SOX5: variants seen among roughly 807,000 people sequenced by gnomAD.
The protein encoded by SOX5 is SRY-box transcription factor 5.
Under a neutral mutation model 92.0 loss-of-function variants are expected in SOX5, and 9 were observed. That is an observed-to-expected ratio of 0.10 (90% CI 0.06 to 0.17). The LOEUF (loss-of-function observed/expected upper bound fraction) is 0.17. Ranked by LOEUF, SOX5 falls within the 10% of genes least tolerant of loss-of-function variation. SOX5 has a pLI of 1.00. For synonymous variants in SOX5, 344 were observed against 336.3 expected (o/e 1.02, Z -0.25); for missense variants, 642 against 944.5 (o/e 0.68, Z 4.20).
Position 23,718,063 on chromosome 12 carries a change from A to G in SOX5, c.810+16621T>C, listed in dbSNP as rs560158423. Among the ~76,000 whole-genome samples the G allele has an allele frequency of 3.4e-5, 5 of 149,242 alleles. No individual in the cohort carries two copies. The Admixed American group carries it at 3.4e-4, about 10-fold the overall frequency. On this transcript the variant is annotated intron_variant, in intron 6 of 14. Transcript: ENST00000451604. ...ATTTTAAAATTAAAGACATACTCCA[A>G]GTTCATGATAATTTTTAAAAACCTT...
intron 4 of SOX5, among the ~76,000 whole-genome samples, chr12:24,096,566 T>G (rs550008737): frequency 6.6e-6 from 1 of 152,338 alleles, no homozygotes; most frequent in Non-Finnish European, 1.5e-5. Flanking sequence ...TGTACTTTTA[T>G]GATTGGTTTA....
chr12:23,975,780 A>G (rs1390374021), intron 4 of SOX5, among the ~76,000 whole-genome samples: 1 of 152,222 alleles, frequency 6.6e-6, no homozygotes. Flanking sequence ...CTTGAACATA[A>G]TATGCACTAT....
chr12:23,641,012 A>G, intron 7 of SOX5, 115 bp from the exon 8 acceptor site: 1 of 662,736 alleles, frequency 1.5e-6, no homozygotes, highest in East Asian at 2.7e-5. Context: ...GCTGAGGCCT[A>G]ATGAAAAGCT....
At chr12:23,600,204 C>T (rs1555190539) in intron 9 of SOX5, among the ~76,000 whole-genome samples, 1 of 152,036 alleles carries the variant, frequency 6.6e-6, no homozygotes, top group South Asian at 2.1e-4. Context: ...ACAGGATCTC[C>T]TGTCATAAAA....
At chr12:23,997,370 C>T (rs920083567) in intron 4 of SOX5, among the ~76,000 whole-genome samples, 2 of 152,138 alleles carry the variant, frequency 1.3e-5, no homozygotes, top group African/African-American at 4.8e-5. Context: ...CAATAGCGAT[C>T]TTGGATGGCC....
rs577893089 is a variant in SOX5, at chr12:24,301,766, G to T, written c.-173-24454C>A. Among the ~76,000 whole-genome samples the T allele has an allele frequency of 1.4e-4, 21 of 152,246 alleles. No homozygotes were observed. In the East Asian group the frequency reaches 4.1e-3, roughly 29 times the overall value. On this transcript the variant is annotated intron_variant, in intron 2 of 4. Transcript: ENST00000446891. ...TCCTGGGTGGAGGATGAAGAAAAAT[G>T]CATTTTCCTACCCCTGGCTGCAGGA...
chr12:23,558,791 C>T (rs575842979), intron 11 of SOX5, among the ~76,000 whole-genome samples: 4 of 152,182 alleles, frequency 2.6e-5, no homozygotes, highest in African/African-American at 7.2e-5. Flanking sequence ...TTAGTAGAGA[C>T]GGGGTTTCTC....
chr12:24,147,717 CAGAATGT>C (rs1951223818), intron 4 of SOX5, among the ~76,000 whole-genome samples: 1 of 152,196 alleles, frequency 6.6e-6, no homozygotes, highest in South Asian at 2.1e-4. Context: ...TAGAGGGCTG[CAGAATGT>C]AAGATCAATA....
In SOX5 at chr12:23,976,411, A is replaced by C. The variant is rs1270437814; in HGVS notation, c.-1-80387T>G. Among the ~76,000 whole-genome samples the C allele has an allele frequency of 3.3e-4, 50 of 149,484 alleles. 1 individual carries two copies. Among genetic ancestry groups the C allele is most frequent in the Admixed American group, 2.9e-3 (43 of 15,014 alleles). On this transcript the variant is annotated intron_variant, in intron 4 of 4. Coordinates refer to the SOX5 transcript ENST00000446891. ...CTATTAAAAAAACAAAAAAACAAAA[A>C]AAAAAAAAAAAAAGAAGAGAAGGAA...
At chr12:24,291,968 C>T (rs1304155110) in intron 2 of SOX5, among the ~76,000 whole-genome samples, 2 of 152,196 alleles carry the variant, frequency 1.3e-5, no homozygotes, top group East Asian at 3.8e-4. Context: ...GTAACAATAA[C>T]ATACAGTTAC....
intron 2 of SOX5, chr12:24,357,340 G>T (rs4963754): frequency 0.45 from 69,017 of 152,030 alleles, 16,588 homozygotes; most frequent in East Asian, 0.79. Context: ...GTGCCTACCA[G>T]ATGCAGTGCA....
At position 23,531,686 on chromosome 12, in the gene SOX5, AAAAC is replaced by A. The variant is rs1193224363; in HGVS notation, c.*2529_*2532del. On this transcript the variant is annotated 3_prime_UTR_variant, in exon 15 of 15. Transcript: ENST00000451604. ...TTCCTTATCCAGAGTGCTTAAAAAC[AAAAC>A]AAACAAAAACAAAAAAAAATTGGCT... is the stretch of plus-strand genomic sequence containing the variant. 4 of 152,158 alleles carry A rather than the reference AAAAC, an allele frequency of 2.6e-5. No homozygotes were observed. Among genetic ancestry groups the A allele is most frequent in the African/African-American group, 7.2e-5 (3 of 41,446 alleles). 9.4% of individuals were successfully genotyped at this position (152,158 alleles called of 1,614,324 possible). A position where few individuals can be genotyped will look rare whatever the true frequency, so the allele number is the denominator to read the frequency against.
Position 23,578,117 on chromosome 12 carries a change from CAAAAAAAAAAAA to C in SOX5, c.1165-2291_1165-2280del, listed in dbSNP as rs1163938652. Among the ~76,000 whole-genome samples the C allele has an allele frequency of 2.2e-3, 78 of 34,896 alleles. 1 individual carries two copies. Among genetic ancestry groups the C allele is most frequent in the Admixed American group, 3.9e-3 (7 of 1,778 alleles). The allele number at this position is 34,896 out of a possible 152,430, so 22.9% of individuals were successfully genotyped here. The stretch of plus-strand genomic sequence containing the variant: ...CCTGCGCAACAGAGTGAGACTGTGT[CAAAAAAAAAAAA>C]AAAAAAAAAAAAAAAAAAAAACTAT... On this transcript the variant is annotated intron_variant, in intron 9 of 14. Transcript: ENST00000451604.
intron 4 of SOX5, among the ~76,000 whole-genome samples, chr12:24,176,335 GA>G (rs1019758379): frequency 1.3e-5 from 2 of 150,010 alleles, no homozygotes; most frequent in East Asian, 3.9e-4. Context: ...TTTTGGGGAA[GA>G]AAAAAAAATA....
chr12:24,006,153 A>G (rs925973833), intron 4 of SOX5, among the ~76,000 whole-genome samples: 2 of 152,184 alleles, frequency 1.3e-5, no homozygotes, highest in Non-Finnish European at 2.9e-5. Flanking sequence ...TTGTTAGAGC[A>G]TCCAGTGGTC....
intron 6 of SOX5, among the ~76,000 whole-genome samples, chr12:23,688,403 C>G (rs1036436173): frequency 2.6e-5 from 4 of 152,030 alleles, no homozygotes; most frequent in African/African-American, 9.7e-5. Flanking sequence ...TTACGTTTTA[C>G]TCAAGCAATT....
intron 4 of SOX5, among the ~76,000 whole-genome samples, chr12:24,173,570 A>G (rs997409796): frequency 1.3e-5 from 2 of 152,210 alleles, no homozygotes; most frequent in Non-Finnish European, 2.9e-5. Flanking sequence ...ATCAGTGAGG[A>G]GTATTCATAT....
intron 3 of SOX5, among the ~76,000 whole-genome samples, chr12:23,813,688 T>C (rs1242607196): frequency 6.6e-6 from 1 of 152,190 alleles, no homozygotes; most frequent in East Asian, 1.9e-4. Context: ...CGTGTACCAT[T>C]TTGCTACAGA....
chr12:24,070,427 A>C (rs1941579859), intron 4 of SOX5, among the ~76,000 whole-genome samples: 1 of 152,176 alleles, frequency 6.6e-6, no homozygotes, highest in African/African-American at 2.4e-5. Context: ...CAGGTCCCAG[A>C]ACTAGGTGGG....
Sources: gnomAD v4.1 joint callset for allele counts (sites outside exome capture counted in the v4.1 genomes callset) on GRCh38, gnomAD v4.1.1 for gene constraint, MANE v1.5 for transcripts, NCBI Gene and HGNC (gene_info 2026-07-23, HGNC 2026-07-21) for gene names.